The following ACVR2A variants were observed in gnomAD, a reference collection of about 807,000 sequenced individuals.
ACVR2A encodes activin receptor type-2A.
In ACVR2A, 7 loss-of-function variants were observed where a neutral mutation model predicts 61.4. The observed-to-expected ratio is 0.11, with a 90% CI of 0.06 to 0.21. The LOEUF is 0.21. ACVR2A is among the 10% of genes least tolerant of loss of function. The pLI is 1.00. For missense variants in ACVR2A, 322 were observed against 621.7 expected, an observed-to-expected ratio of 0.52 and a Z score of 5.13; for synonymous variants, 193 against 208.3, an observed-to-expected ratio of 0.93 and a Z score of 0.63.
In ACVR2A at chr2:147,845,129, C is replaced by G; in HGVS notation, c.-24C>G. On this transcript the variant is annotated 5_prime_UTR_variant, in exon 1 of 11. Transcript: ENST00000241416. The stretch of plus-strand genomic sequence containing the variant: ...CTGGATATCTAGCGAGAACTTCCTC[C>G]GGATTCCCCGGCGCCTCGGGAAAAT... 1.9e-5 allele frequency: 30 copies of G among 1,608,304 alleles called. No homozygotes were observed. Among genetic ancestry groups the G allele is most frequent in the Non-Finnish European group, 2.5e-5 (29 of 1,177,418 alleles).
chr2:147,920,522 T>A (rs190808518), intron 8 of ACVR2A, among the ~76,000 whole-genome samples, 178 bp downstream of exon 8: 1 of 152,310 alleles, frequency 6.6e-6, no homozygotes, highest in East Asian at 1.9e-4. Flanking sequence ...TCAGGTGGTT[T>A]AGATCAAGCA....
At chr2:147,860,639 T>G (rs1248507511) in intron 1 of ACVR2A, among the ~76,000 whole-genome samples, 1 of 152,172 alleles carries the variant, frequency 6.6e-6, no homozygotes, top group East Asian at 1.9e-4. Context: ...GGAATGGTTT[T>G]GGGAAGAAAA....
At chr2:147,920,469 T>C (rs1573712038) in intron 8 of ACVR2A, 125 bp downstream of exon 8, 1 of 712,436 alleles carries the variant, frequency 1.4e-6, no homozygotes, top group Non-Finnish European at 2.3e-6. Flanking sequence ...AATAGAGTTA[T>C]CAAAGTTTCT....
At chr2:147,872,718 A>G (rs1283171220) in intron 1 of ACVR2A, among the ~76,000 whole-genome samples, 1 of 151,594 alleles carries the variant, frequency 6.6e-6, no homozygotes, top group East Asian at 1.9e-4. Context: ...TTTTGTATGC[A>G]TTTAGTTTTA....
chr2:147,904,419 T>C (rs528902358), intron 4 of ACVR2A, among the ~76,000 whole-genome samples: 2 of 152,114 alleles, frequency 1.3e-5, no homozygotes, highest in South Asian at 4.2e-4. Flanking sequence ...GATAAGAAAT[T>C]GAATTTTAAG....
chr2:147,881,602 AGT>A (rs145075375), intron 1 of ACVR2A, among the ~76,000 whole-genome samples: 2,253 of 81,442 alleles, frequency 0.028, 45 homozygotes, highest in African/African-American at 0.091. Flanking sequence ...GAAGCTGCTT[AGT>A]GTGTGTGTGT....
At chr2:147,863,118 C>T (rs1685767408) in intron 1 of ACVR2A, among the ~76,000 whole-genome samples, 1 of 152,136 alleles carries the variant, frequency 6.6e-6, no homozygotes, top group Non-Finnish European at 1.5e-5. Flanking sequence ...AGGCTTACAT[C>T]TATTCTTTGG....
rs533183349 is a variant in ACVR2A, at chr2:147,921,435, T to G, written c.1077+1091T>G. 9.2e-5 allele frequency among the ~76,000 whole-genome samples: 14 copies of G among 152,300 alleles called. No homozygotes were observed. In the South Asian group the frequency reaches 2.7e-3, roughly 29 times the overall value. On this transcript the variant is annotated intron_variant, in intron 8 of 10. Transcript: ENST00000241416. ...TTCGACATTATCATTTCTTCATCTT[T>G]CATATCATGTAAATTATTTGGCCAA...
At chr2:147,866,041 A>G (rs1685845639) in intron 1 of ACVR2A, among the ~76,000 whole-genome samples, 1 of 152,124 alleles carries the variant, frequency 6.6e-6, no homozygotes, top group Non-Finnish European at 1.5e-5. Context: ...CAGTATGGAC[A>G]AGTTTTCCAA....
upstream of ACVR2A, chr2:147,845,008 T>TG: frequency 1.1e-5 from 2 of 185,244 alleles, no homozygotes; most frequent in Non-Finnish European, 1.0e-5. Context: ...GCGTTTTTTT[T>TG]TTTTTTTTTT....
At chr2:147,881,494 T>C (rs1172524868) in intron 1 of ACVR2A, among the ~76,000 whole-genome samples, 2 of 151,952 alleles carry the variant, frequency 1.3e-5, no homozygotes, top group Admixed American at 6.6e-5. Flanking sequence ...TTTTTTTTTC[T>C]TTCCTTTAGG....
chr2:147,847,544 A>G (rs1485772942), intron 1 of ACVR2A, among the ~76,000 whole-genome samples: 1 of 152,134 alleles, frequency 6.6e-6, no homozygotes, highest in Non-Finnish European at 1.5e-5. Context: ...AGTAAGGAAC[A>G]GTTTTGTTCC....
At chr2:147,921,227 G>A (rs902317524) in intron 8 of ACVR2A, among the ~76,000 whole-genome samples, 17 of 151,856 alleles carry the variant, frequency 1.1e-4, no homozygotes, top group African/African-American at 3.9e-4. Context: ...TGGAGATGGG[G>A]TTTCACCAAG....
chr2:147,862,950 A>G (rs531309968), intron 1 of ACVR2A, among the ~76,000 whole-genome samples: 2 of 152,274 alleles, frequency 1.3e-5, no homozygotes, highest in South Asian at 4.1e-4. Context: ...ACCACCACTT[A>G]TAGCATGCTC....
intron 9 of ACVR2A, 113 bp downstream of exon 9, chr2:147,923,224 C>A: frequency 1.7e-6 from 2 of 1,187,716 alleles, no homozygotes; most frequent in Non-Finnish European, 2.3e-6. Context: ...TTAATTGACT[C>A]CAAGAGATGG....
intron 4 of ACVR2A, among the ~76,000 whole-genome samples, chr2:147,909,583 A>G (rs947270976): frequency 2.6e-5 from 4 of 152,062 alleles, no homozygotes; most frequent in South Asian, 2.1e-4. Context: ...TATGTTGTGA[A>G]TCCAGAGTTT....
rs944453930 is a variant in ACVR2A, at chr2:147,922,342, G to A, written c.1078-631G>A. ...GACTACTCTCTAGTTCGAATACATC[G>A]CAAGTATGTTGTGATGTACCCAGCT... On this transcript the variant is annotated intron_variant, in intron 8 of 10. Coordinates refer to ENST00000241416, the MANE Select transcript of ACVR2A (RefSeq NM_001616.5). Among the ~76,000 whole-genome samples, 70 of 151,964 alleles carry A rather than the reference G, an allele frequency of 4.6e-4. 1 individual carries two copies. Among genetic ancestry groups the A allele is most frequent in the African/African-American group, 1.5e-3 (61 of 41,400 alleles).
chr2:147,852,928 AAGT>A (rs1685483018), intron 1 of ACVR2A, among the ~76,000 whole-genome samples: 1 of 152,086 alleles, frequency 6.6e-6, no homozygotes, highest in African/African-American at 2.4e-5. Flanking sequence ...TTGCTTGAAG[AAGT>A]AGGACAATCT....
chr2:147,884,666 T>G (rs535204557), intron 1 of ACVR2A, among the ~76,000 whole-genome samples: 171 of 152,280 alleles, frequency 1.1e-3, no homozygotes, highest in Non-Finnish European at 1.9e-3. Flanking sequence ...ATCTTTTAGT[T>G]TCTTATGCTT....
Sources: gnomAD v4.1 joint callset for allele counts (sites outside exome capture counted in the v4.1 genomes callset) on GRCh38, gnomAD v4.1.1 for gene constraint, MANE v1.5 for transcripts, NCBI Gene and HGNC (gene_info 2026-07-23, HGNC 2026-07-21) for gene names.